WWTR1: variants seen among roughly 807,000 people sequenced by gnomAD.
WWTR1 encodes the protein WW domain containing transcription regulator 1.
In WWTR1, 13 loss-of-function variants were observed where a neutral mutation model predicts 40.1. The observed-to-expected ratio is 0.32, with a 90% confidence interval of 0.21 to 0.52. WWTR1 has a LOEUF of 0.52. WWTR1 is among the 20% of genes least tolerant of loss of function. The pLI, the probability that WWTR1 is intolerant of heterozygous loss-of-function variation, is 0.97. For synonymous variants in WWTR1, 230 were observed against 210.1 expected, an observed-to-expected ratio of 1.09 and a Z score of -0.82; for missense variants, 436 against 523.1, an observed-to-expected ratio of 0.83 and a Z score of 1.63.
intron 2 of WWTR1, among the ~76,000 whole-genome samples, chr3:149,582,773 C>G (rs1738215572): frequency 6.6e-6 from 1 of 151,896 alleles, no homozygotes; most frequent in South Asian, 2.1e-4. Context: ...GTATAAATCA[C>G]CTTAAGTTTA....
intron 2 of WWTR1, among the ~76,000 whole-genome samples, chr3:149,637,527 G>A (rs552960011): frequency 6.6e-5 from 10 of 152,080 alleles, no homozygotes; most frequent in African/African-American, 1.9e-4. Flanking sequence ...CACCGTGCCC[G>A]GCCCATATTC....
intron 1 of WWTR1, among the ~76,000 whole-genome samples, chr3:149,698,634 C>T (rs879066398): frequency 3.9e-5 from 6 of 152,218 alleles, no homozygotes; most frequent in Non-Finnish European, 8.8e-5. Context: ...AGGGGCTCCA[C>T]CCCTGTGGCA....
intron 1 of WWTR1, among the ~76,000 whole-genome samples, chr3:149,688,863 T>C (rs1055553378): frequency 6.6e-6 from 1 of 152,112 alleles, no homozygotes; most frequent in African/African-American, 2.4e-5. Flanking sequence ...GAATTCAAAA[T>C]AGCTGTTTTG....
chr3:149,662,708 T>C (rs566882141), upstream of WWTR1, among the ~76,000 whole-genome samples: 3 of 152,282 alleles, frequency 2.0e-5, no homozygotes, highest in South Asian at 6.2e-4. Flanking sequence ...TTTTAACAAC[T>C]GTTCACAAGT....
intron 3 of WWTR1, among the ~76,000 whole-genome samples, chr3:149,554,548 T>C (rs1168344778): frequency 6.6e-6 from 1 of 152,200 alleles, no homozygotes; most frequent in Non-Finnish European, 1.5e-5. Flanking sequence ...CTGGCTTTTA[T>C]ATTTTCATAA....
intron 2 of WWTR1, among the ~76,000 whole-genome samples, chr3:149,588,224 A>T (rs910217203): frequency 5.3e-5 from 8 of 152,224 alleles, no homozygotes; most frequent in Admixed American, 6.5e-5. Context: ...AGCCTGGCAT[A>T]TGAACGTGAT....
chr3:149,542,008 G>A (rs1736127222), intron 4 of WWTR1, among the ~76,000 whole-genome samples: 1 of 152,144 alleles, frequency 6.6e-6, no homozygotes, highest in African/African-American at 2.4e-5. Context: ...GGCTATTTAA[G>A]CAACTACATT....
intron 2 of WWTR1, among the ~76,000 whole-genome samples, chr3:149,598,960 AATT>A (rs1341965120): frequency 6.6e-6 from 1 of 152,180 alleles, no homozygotes; most frequent in African/African-American, 2.4e-5. Flanking sequence ...TGGATTTTTA[AATT>A]ATTATTTGTA....
upstream of WWTR1, among the ~76,000 whole-genome samples, chr3:149,705,375 C>A (rs914844563): frequency 6.6e-6 from 1 of 152,134 alleles, no homozygotes; most frequent in Admixed American, 6.6e-5. Flanking sequence ...GAAAATCCAA[C>A]AAGCTTTCAG....
At chr3:149,665,205 A>G (rs910934525) in intron 2 of WWTR1, among the ~76,000 whole-genome samples, 2 of 150,602 alleles carry the variant, frequency 1.3e-5, no homozygotes, top group East Asian at 3.9e-4. Flanking sequence ...TAATAACGGG[A>G]AATTAGAAAT....
At chr3:149,627,518 T>C (rs1740622141) in intron 2 of WWTR1, among the ~76,000 whole-genome samples, 1 of 152,120 alleles carries the variant, frequency 6.6e-6, no homozygotes, top group Non-Finnish European at 1.5e-5. Flanking sequence ...CCCCTGGAAA[T>C]GCCAGAGAAG....
intron 3 of WWTR1, chr3:149,724,622 T>C (rs1434901579): frequency 2.0e-5 from 3 of 152,162 alleles, no homozygotes; most frequent in East Asian, 1.9e-4. Flanking sequence ...AGAAGGTTCA[T>C]TGACACCTTG....
At chr3:149,619,696 A>C (rs1374347401) in intron 2 of WWTR1, among the ~76,000 whole-genome samples, 1 of 152,158 alleles carries the variant, frequency 6.6e-6, no homozygotes, top group Non-Finnish European at 1.5e-5. Context: ...GTTTATTTTT[A>C]TTAGAGCACA....
At chr3:149,595,314 G>A (rs1157885698) in intron 2 of WWTR1, among the ~76,000 whole-genome samples, 1 of 151,910 alleles carries the variant, frequency 6.6e-6, no homozygotes, top group Non-Finnish European at 1.5e-5. Flanking sequence ...TAGATAAAGA[G>A]CAAACTCTCT....
intron 3 of WWTR1, among the ~76,000 whole-genome samples, chr3:149,556,267 A>G (rs969760657): frequency 5.9e-5 from 9 of 152,320 alleles, no homozygotes; most frequent in East Asian, 1.9e-4. Context: ...CTCTGGGGGC[A>G]CACAGTGAAG....
At chr3:149,695,598 T>G (rs1714958445) in intron 1 of WWTR1, among the ~76,000 whole-genome samples, 1 of 150,488 alleles carries the variant, frequency 6.6e-6, no homozygotes, top group African/African-American at 2.4e-5. Context: ...CCATCTCTAC[T>G]AAAAATACAA....
chr3:149,532,003 T>C (rs1735603787), intron 4 of WWTR1, among the ~76,000 whole-genome samples: 1 of 152,236 alleles, frequency 6.6e-6, no homozygotes, highest in Admixed American at 6.5e-5. Flanking sequence ...GCTGCACTCT[T>C]TCCTGCTCCT....
intron 2 of WWTR1, among the ~76,000 whole-genome samples, chr3:149,633,790 A>G (rs939253407): frequency 1.3e-5 from 2 of 152,160 alleles, no homozygotes; most frequent in African/African-American, 4.8e-5. Context: ...GAAGGGGTAC[A>G]AGCACTGCCA....
chr3:149,600,001 C>T lies in WWTR1; in HGVS notation c.432-27001G>A, dbSNP rs1488463432. On this transcript the variant is annotated intron_variant, in intron 2 of 6. Coordinates refer to ENST00000360632, the MANE Select transcript of WWTR1 (RefSeq NM_015472.6). ...ACAAATAAAAAACAATACAATGATA[C>T]AGTATAACAACTATTTACATTGCAT... Among the ~76,000 whole-genome samples, 3 of 152,218 alleles carry T rather than the reference C, an allele frequency of 2.0e-5. No individual in the cohort carries two copies. The South Asian group carries it at 6.2e-4, about 32-fold the overall frequency.
Sources: gnomAD v4.1 joint callset for allele counts (sites outside exome capture counted in the v4.1 genomes callset) on GRCh38, gnomAD v4.1.1 for gene constraint, MANE v1.5 for transcripts, NCBI Gene and HGNC (gene_info 2026-07-23, HGNC 2026-07-21) for gene names.